Variants in CDC25B observed in about 807,000 individuals in gnomAD.
CDC25B encodes cell division cycle 25B.
In CDC25B, 33 loss-of-function variants were observed where a neutral mutation model predicts 69.8. The observed-to-expected ratio is 0.47, with a 90% confidence interval of 0.36 to 0.63. The LOEUF (loss-of-function observed/expected upper bound fraction) is 0.63, where lower values mean the gene tolerates loss of function less well. CDC25B is among the 30% of genes least tolerant of loss of function. The probability of loss-of-function intolerance (pLI) is 0.00; values close to 1 mark genes in which losing one functional copy is unlikely to be tolerated. For synonymous variants in CDC25B, 341 were observed against 314.6 expected (o/e 1.08, Z -0.89); for missense variants, 727 against 809.1 (o/e 0.90, Z 1.23).
chr20:3,804,099 G>A (rs115222704), intron 14 of CDC25B, among the ~76,000 whole-genome samples: 5,529 of 152,196 alleles, frequency 0.036, 124 homozygotes, highest in Middle Eastern at 0.065. Context: ...GCATCCCTGC[G>A]GCCCTCCCAA....
chr20:3,788,889 C>T lies in CDC25B; in HGVS notation c.8+1750C>T, dbSNP rs561042746. 3.4e-5 allele frequency among the ~76,000 whole-genome samples: 5 copies of T among 147,912 alleles called. No individual in the cohort carries two copies. The East Asian group carries it at 1.0e-3, about 29-fold the overall frequency. On this transcript the variant is annotated intron_variant, in intron 1 of 15. Coordinates refer to the CDC25B transcript ENST00000344256. ...TTCTTTCTTTCCTTCCTTCCTTTCT[C>T]TTCCTTTCCTTTCCTTTCCTGTGGC...
At chr20:3,797,471 C>A in intron 1 of CDC25B, 151 bp from the exon 2 acceptor site, 1 of 1,004,738 alleles carries the variant, frequency 1.0e-6, no homozygotes, top group Non-Finnish European at 1.5e-6. Context: ...CCTTCCTTGA[C>A]CTGAGAAGAG....
chr20:3,792,258 C>T (rs1174565095), upstream of CDC25B, among the ~76,000 whole-genome samples: 3 of 152,048 alleles, frequency 2.0e-5, no homozygotes, highest in African/African-American at 4.8e-5. Flanking sequence ...AAAATACAGA[C>T]GGATTTACGC....
At chr20:3,800,950 C>T (rs2089260177) in intron 6 of CDC25B, 21 bp from the exon 7 acceptor site, 1 of 1,613,586 alleles carries the variant, frequency 6.2e-7, no homozygotes, top group Non-Finnish European at 8.5e-7. Flanking sequence ...TGAGGACCCT[C>T]CTCTCCCATC....
chr20:3,795,171 C>T (rs1470336856), upstream of CDC25B, among the ~76,000 whole-genome samples: 1 of 152,024 alleles, frequency 6.6e-6, no homozygotes, highest in Non-Finnish European at 1.5e-5. Context: ...ACCAGCCTGG[C>T]CAATATGGTG....
At chr20:3,804,089 G>A (rs1423078159) in intron 14 of CDC25B, among the ~76,000 whole-genome samples, 5 of 152,118 alleles carry the variant, frequency 3.3e-5, no homozygotes, top group East Asian at 1.9e-4. Flanking sequence ...TTACAGAGTC[G>A]CATCCCTGCG....
At chr20:3,792,078 T>A (rs1013725684), upstream of CDC25B, among the ~76,000 whole-genome samples, 159 of 152,178 alleles carry the variant, frequency 1.0e-3, 3 homozygotes, top group Non-Finnish European at 1.3e-4. Flanking sequence ...CATGCCTGGC[T>A]AATTTTTGTA....
In CDC25B at chr20:3,801,954, C is replaced by G. The variant is rs771328061; in HGVS notation, c.952C>G (p.Leu318Val). 1 of 1,612,162 alleles carries G rather than the reference C, an allele frequency of 6.2e-7. No homozygotes were observed. The highest frequency in any genetic ancestry group is 1.3e-5 in the African/African-American group (1 of 75,020). The change falls in exon 10 of 16, where the codon CTC becomes GTC. Residue 318 changes from leucine to valine, a missense_variant. By Grantham distance (32) the Leu-to-Val change is conservative (BLOSUM62 1). Transcript: ENST00000245960. ...CGTCATGTACAGCAAGTGCCAGCGG[C>G]TCTTCCGCTCTCCGTCCATGCCCTG... Reference protein sequence around the residue: ...DLVMYSKCQRLFRSPSMPCSV... With the variant: ...DLVMYSKCQRVFRSPSMPCSV...
In CDC25B at chr20:3,805,029, G is replaced by T; in HGVS notation, c.*68G>T. The T allele has an allele frequency of 6.6e-7, 1 of 1,523,150 alleles. No homozygotes were observed. Among genetic ancestry groups the T allele is most frequent in the South Asian group, 1.2e-5 (1 of 84,288 alleles). The allele number at this position is 1,523,150 out of a possible 1,614,324, so 94.4% of individuals were successfully genotyped here. A position where few individuals can be genotyped will look rare whatever the true frequency, so the allele number is the denominator to read the frequency against. Reference sequence around the variant, plus strand: ...CTGAAGCCAGCTGCCCTATGGGCCTGCCGGGCTGAGGGCCTGCTGGAGGCC... The same window carrying T: ...CTGAAGCCAGCTGCCCTATGGGCCTTCCGGGCTGAGGGCCTGCTGGAGGCC... On this transcript the variant is annotated 3_prime_UTR_variant, in exon 16 of 16. Transcript: ENST00000245960.
chr20:3,796,097 T>C, upstream of CDC25B: 1 of 1,013,330 alleles, frequency 9.9e-7, no homozygotes, highest in Non-Finnish European at 1.2e-6. Context: ...GAGGCCGGGA[T>C]CCTCGCGCCA....
chr20:3,796,422 CCCCCCCCCA>C lies in CDC25B; in HGVS notation c.-105_-97del. 5.9e-6 allele frequency: 1 copy of C among 168,494 alleles called. No homozygotes were observed. Among genetic ancestry groups the C allele is most frequent in the Non-Finnish European group, 1.1e-5 (1 of 91,098 alleles). 10.4% of individuals were successfully genotyped at this position (168,494 alleles called of 1,614,324 possible). A position where few individuals can be genotyped will look rare whatever the true frequency, so the allele number is the denominator to read the frequency against. On this transcript the variant is annotated 5_prime_UTR_variant, in exon 1 of 16. Coordinates refer to ENST00000245960, the MANE Select transcript of CDC25B (RefSeq NM_021873.4). Reference sequence around the variant, plus strand: ...GGCTCTTCCTCCCTCCCTCCTTCCCCCCCCCCCCACCCCTCGCCCGCTGCCTCCCTCGGC... The same window carrying C: ...GGCTCTTCCTCCCTCCCTCCTTCCCCCCCCTCGCCCGCTGCCTCCCTCGGC...
Position 3,802,308 on chromosome 20 carries a change from CTG to C in CDC25B, c.1130_1131del (p.Cys377SerfsTer3). The C allele has an allele frequency of 1.2e-6, 2 of 1,610,886 alleles. No individual in the cohort carries two copies. The highest frequency in any genetic ancestry group is 1.1e-5 in the South Asian group (1 of 91,078). ...AGCCCGCGTCCTCCGCTCAAAATCA[CTG>C]TGTCACGATGAGATCGAGAACCTCC... The part of the protein sequence containing the change: ...PKARVLRSKS[L>X]CHDEIENLLD... On this transcript the variant is annotated frameshift_variant, in exon 11 of 16. Coordinates refer to ENST00000245960, the MANE Select transcript of CDC25B (RefSeq NM_021873.4). LOFTEE classifies it high-confidence loss of function.
At chr20:3,793,905 A>G (rs2088961365), upstream of CDC25B, among the ~76,000 whole-genome samples, 1 of 150,992 alleles carries the variant, frequency 6.6e-6, no homozygotes, top group Non-Finnish European at 1.5e-5. Flanking sequence ...AATTTCATCC[A>G]TGTCCCTACA....
rs767599192 is a variant in CDC25B, at chr20:3,797,650, C to T, written c.229C>T (p.Leu77=). The change falls in exon 2 of 16, where the codon CTG becomes TTG. Residue 77 remains leucine (L), a synonymous_variant. Coordinates refer to ENST00000245960, the MANE Select transcript of CDC25B (RefSeq NM_021873.4). ...AACCCCAAAGAGTCAGGTAGGGACC[C>T]TGCTCTTCCGCAGCCGCAGCCGCCT... is the stretch of plus-strand genomic sequence containing the variant. ...SETPKSQVGT[L]LFRSRSRLTH... 3.1e-6 allele frequency: 5 copies of T among 1,614,082 alleles called. No homozygotes were observed. The highest frequency in any genetic ancestry group is 2.2e-5 in the East Asian group (1 of 44,890).
chr20:3,796,471 C>G lies in CDC25B; in HGVS notation c.-61C>G. 1 of 1,233,066 alleles carries G rather than the reference C, an allele frequency of 8.1e-7. No individual in the cohort carries two copies. The highest frequency in any genetic ancestry group is 1.4e-5 in the South Asian group (1 of 69,772). The allele number at this position is 1,233,066 out of a possible 1,614,324, so 76.4% of individuals were successfully genotyped here. The stretch of plus-strand genomic sequence containing the variant: ...CCTCCCTCGGCCCAGCCAGCTGTGC[C>G]GGCGTTTGTTGGCTGCCCTGCGCCC... On this transcript the variant is annotated 5_prime_UTR_variant, in exon 1 of 16. Coordinates refer to ENST00000245960, the MANE Select transcript of CDC25B (RefSeq NM_021873.4).
intron 1 of CDC25B, among the ~76,000 whole-genome samples, chr20:3,788,234 G>C (rs1362183889): frequency 6.6e-6 from 1 of 152,192 alleles, no homozygotes; most frequent in Admixed American, 6.5e-5. Flanking sequence ...TGGCATTCTG[G>C]AAGCCAAAGG....
chr20:3,805,067 C>T lies in CDC25B; in HGVS notation c.*106C>T. On this transcript the variant is annotated 3_prime_UTR_variant, in exon 16 of 16. Transcript: ENST00000245960. ...CCTGCTGGAGGCCTCAGGTGCTGTCCATGGGAAAGATGGTGTGGGTGTCCT... is the reference window on the plus strand; with the variant it reads ...CCTGCTGGAGGCCTCAGGTGCTGTCTATGGGAAAGATGGTGTGGGTGTCCT... The T allele has an allele frequency of 8.3e-7, 1 of 1,202,758 alleles. No individual in the cohort carries two copies. The highest frequency in any genetic ancestry group is 1.1e-6 in the Non-Finnish European group (1 of 874,614). 74.5% of individuals were successfully genotyped at this position (1,202,758 alleles called of 1,614,324 possible). A position where few individuals can be genotyped will look rare whatever the true frequency, so the allele number is the denominator to read the frequency against.
chr20:3,800,963 G>C lies in CDC25B; in HGVS notation c.583-8G>C. The stretch of plus-strand genomic sequence containing the variant: ...TGTGAGGACCCTCCTCTCCCATCTT[G>C]GCTGCAGGATGGATTTGTCTTCAAG... On this transcript the variant is annotated splice_polypyrimidine_tract_variant and splice_region_variant and intron_variant, in intron 6 of 15. Transcript: ENST00000245960. 1 of 1,613,938 alleles carries C rather than the reference G, an allele frequency of 6.2e-7. No individual in the cohort carries two copies. The highest frequency in any genetic ancestry group is 8.5e-7 in the Non-Finnish European group (1 of 1,179,832).
At chr20:3,789,851 T>C (rs2088884150) in intron 1 of CDC25B, among the ~76,000 whole-genome samples, 1 of 151,728 alleles carries the variant, frequency 6.6e-6, no homozygotes, top group Admixed American at 6.6e-5. Context: ...TAGCCGGGCA[T>C]GGTGGCGGGC....
Sources: allele counts gnomAD v4.1 joint callset (sites outside exome capture counted in the v4.1 genomes callset), GRCh38; gene constraint gnomAD v4.1.1; transcripts MANE v1.5; gene names NCBI Gene and HGNC (gene_info 2026-07-23, HGNC 2026-07-21).